Variants in DACH1 observed in about 807,000 individuals in gnomAD.
DACH1 encodes dachshund family transcription factor 1, also known as dachshund homolog 1.
In DACH1, 12 loss-of-function variants were observed where a neutral mutation model predicts 54.2. That is an observed-to-expected ratio of 0.22 (90% CI 0.14 to 0.36). The LOEUF (loss-of-function observed/expected upper bound fraction) is 0.36. DACH1 is among the 10% of genes least tolerant of loss of function. The pLI, the probability that DACH1 is intolerant of heterozygous loss-of-function variation, is 1.00. For missense variants in DACH1, 805 were observed against 929.8 expected (o/e 0.87, Z 1.75); for synonymous variants, 386 against 366.2 (o/e 1.05, Z -0.62).
intron 1 of DACH1, among the ~76,000 whole-genome samples, chr13:71,712,402 T>A (rs1392534688): frequency 2.0e-5 from 3 of 152,272 alleles, no homozygotes; most frequent in East Asian, 1.9e-4. Context: ...TTAATATTTT[T>A]AAAATAAGAA....
chr13:71,644,577 G>A (rs115144668), intron 2 of DACH1, among the ~76,000 whole-genome samples: 172 of 152,242 alleles, frequency 1.1e-3, no homozygotes, highest in African/African-American at 3.8e-3. Context: ...CAGATCTTCC[G>A]CAAGAAAAGG....
chr13:71,600,137 C>T (rs1356971736), intron 3 of DACH1, among the ~76,000 whole-genome samples: 3 of 151,982 alleles, frequency 2.0e-5, no homozygotes, highest in Admixed American at 2.0e-4. Context: ...ATCAATATAA[C>T]CAATAGGAAA....
intron 1 of DACH1, among the ~76,000 whole-genome samples, chr13:71,700,574 AAAAAAAAAAAAG>A (rs1195354699): frequency 9.6e-6 from 1 of 103,782 alleles, no homozygotes; most frequent in African/African-American, 3.6e-5. Flanking sequence ...TCAAAAAAAA[AAAAAAAAAAAAG>A]AGAGAGAGAG....
chr13:71,691,131 T>G (rs1232227860), intron 1 of DACH1, among the ~76,000 whole-genome samples: 1 of 152,222 alleles, frequency 6.6e-6, no homozygotes, highest in Non-Finnish European at 1.5e-5. Context: ...TTTATAAACT[T>G]GCAGTGGAAA....
chr13:71,533,050 C>A (rs1272694637), intron 6 of DACH1, among the ~76,000 whole-genome samples: 6 of 151,464 alleles, frequency 4.0e-5, no homozygotes, highest in Non-Finnish European at 7.4e-5. Flanking sequence ...TACCGATAAA[C>A]CACTTTACTT....
chr13:71,758,122 CA>C (rs1214617219), intron 1 of DACH1, among the ~76,000 whole-genome samples: 1 of 151,898 alleles, frequency 6.6e-6, no homozygotes, highest in Non-Finnish European at 1.5e-5. Flanking sequence ...GCTGTGAACA[CA>C]GTCTCTCCAT....
At chr13:71,804,841 C>T (rs554414474) in intron 1 of DACH1, among the ~76,000 whole-genome samples, 23 of 152,212 alleles carry the variant, frequency 1.5e-4, no homozygotes, top group African/African-American at 5.5e-4. Context: ...AACATCCTGA[C>T]TTGTATTATT....
chr13:71,732,273 C>G (rs934927046), intron 1 of DACH1, among the ~76,000 whole-genome samples: 1 of 152,020 alleles, frequency 6.6e-6, no homozygotes, highest in Non-Finnish European at 1.5e-5. Flanking sequence ...GTTTAATTAC[C>G]TCTCCTTTTT....
chr13:71,779,254 CGTATATATGTGT>C (rs1566495161), intron 1 of DACH1, among the ~76,000 whole-genome samples: 37 of 71,738 alleles, frequency 5.2e-4, no homozygotes, highest in Non-Finnish European at 8.7e-4. Context: ...TACGTATATA[CGTATATATGTGT>C]ATATATACGT....
chr13:71,852,409 C>G (rs1410860957), intron 1 of DACH1, among the ~76,000 whole-genome samples: 1 of 150,226 alleles, frequency 6.7e-6, no homozygotes, highest in Non-Finnish European at 1.5e-5. Context: ...AAACAGTGTT[C>G]TCCAACTACA....
chr13:71,725,686 G>T (rs2049067444), intron 1 of DACH1, among the ~76,000 whole-genome samples: 1 of 151,866 alleles, frequency 6.6e-6, no homozygotes, highest in African/African-American at 2.4e-5. Context: ...AGAGAAATAA[G>T]CTCCTTAATT....
chr13:71,636,344 T>A (rs1003657207), intron 2 of DACH1, among the ~76,000 whole-genome samples: 1 of 152,106 alleles, frequency 6.6e-6, no homozygotes, highest in Non-Finnish European at 1.5e-5. Context: ...AATTTTATCA[T>A]CAGAAATGGA....
At chr13:71,644,056 C>T (rs1878102435) in intron 2 of DACH1, among the ~76,000 whole-genome samples, 2 of 152,102 alleles carry the variant, frequency 1.3e-5, no homozygotes, top group Non-Finnish European at 2.9e-5. Flanking sequence ...AGGAGGGGGA[C>T]ATGTTTTCTT....
At chr13:71,550,756 GTT>G (rs2138356136) in intron 6 of DACH1, among the ~76,000 whole-genome samples, 1 of 152,068 alleles carries the variant, frequency 6.6e-6, no homozygotes, top group East Asian at 1.9e-4. Flanking sequence ...AAAGAAAGTT[GTT>G]GTTGTCCAGT....
At chr13:71,738,731 CAAAAA>C (rs34856567) in intron 1 of DACH1, among the ~76,000 whole-genome samples, 22 of 24,058 alleles carry the variant, frequency 9.1e-4, no homozygotes, top group East Asian at 2.6e-3. Flanking sequence ...GACTCTGTCT[CAAAAA>C]AAAAAAAAAA....
chr13:71,543,889 C>G (rs1466588476), intron 6 of DACH1, among the ~76,000 whole-genome samples: 1 of 152,112 alleles, frequency 6.6e-6, no homozygotes, highest in Admixed American at 6.6e-5. Context: ...CAAGAAGAAC[C>G]ACACCTTCTC....
At chr13:71,661,683 G>C (rs1175114966) in intron 2 of DACH1, among the ~76,000 whole-genome samples, 1 of 151,858 alleles carries the variant, frequency 6.6e-6, no homozygotes, top group East Asian at 1.9e-4. Flanking sequence ...TATTTCATAG[G>C]CAGATTGAAT....
chr13:71,628,573 G>T (rs564781037), intron 3 of DACH1, among the ~76,000 whole-genome samples: 2 of 151,952 alleles, frequency 1.3e-5, no homozygotes, highest in South Asian at 4.2e-4. Context: ...GCGTTGGATG[G>T]GGGGTGTCAA....
At position 71,749,837 on chromosome 13, in the gene DACH1, T is replaced by C. The variant is rs561296475; in HGVS notation, c.849-67927A>G. 2.0e-5 allele frequency among the ~76,000 whole-genome samples: 3 copies of C among 152,242 alleles called. No individual in the cohort carries two copies. The South Asian group carries it at 6.2e-4, about 32-fold the overall frequency. ...TGCTATAGGCATTATTGTCTCCATT[T>C]TGAAAACAAGCATCATGAGGGTGAG... On this transcript the variant is annotated intron_variant, in intron 1 of 10. Transcript: ENST00000613252.
Sources: allele counts gnomAD v4.1 joint callset (sites outside exome capture counted in the v4.1 genomes callset), GRCh38; gene constraint gnomAD v4.1.1; transcripts MANE v1.5; gene names NCBI Gene and HGNC (gene_info 2026-07-23, HGNC 2026-07-21).